The following FOXO1 variants were observed in gnomAD, a reference collection of about 807,000 sequenced individuals.
The protein encoded by FOXO1 is forkhead box O1.
Under a neutral mutation model 44.1 loss-of-function variants are expected in FOXO1, and 6 were observed. That is an observed-to-expected ratio of 0.14 (90% CI 0.07 to 0.27). The LOEUF (loss-of-function observed/expected upper bound fraction) is 0.27. FOXO1 is among the 10% of genes least tolerant of loss of function. The probability of loss-of-function intolerance (pLI) is 1.00; values close to 1 mark genes in which losing one functional copy is unlikely to be tolerated. For missense variants in FOXO1, 737 were observed against 888.8 expected (o/e 0.83, Z 2.17); for synonymous variants, 380 against 362.7 (o/e 1.05, Z -0.54).
At position 40,555,947 on chromosome 13, in the gene FOXO1, A is replaced by G. The variant is rs1418245516; in HGVS notation, c.*3102T>C. 3.3e-5 allele frequency: 5 copies of G among 152,726 alleles called. No individual in the cohort carries two copies. In the East Asian group the frequency reaches 5.8e-4, roughly 18 times the overall value. The allele number at this position is 152,726 out of a possible 1,614,324, so 9.5% of individuals were successfully genotyped here. On this transcript the variant is annotated 3_prime_UTR_variant, in exon 3 of 3. Transcript: ENST00000379561. ...ATGACTACGTCCTGATGGGACTTAC[A>G]TGGCCACCCCTGGCCACACTGCCAG...
At chr13:40,570,358 A>T (rs1874440085) in intron 1 of FOXO1, among the ~76,000 whole-genome samples, 3 of 151,926 alleles carry the variant, frequency 2.0e-5, no homozygotes. Context: ...AGAGGTGAGG[A>T]GGTCAAGGAG....
intron 1 of FOXO1, among the ~76,000 whole-genome samples, chr13:40,647,148 T>C (rs552440479): frequency 3.3e-5 from 5 of 152,304 alleles, no homozygotes; most frequent in Admixed American, 3.3e-4. Flanking sequence ...ACAACTTTTA[T>C]TACCTGAGAG....
chr13:40,613,133 T>C lies in FOXO1; in HGVS notation c.631-52273A>G, dbSNP rs528127470. ...TGGGTAAAAAAGAACACCTCATGCC[T>C]GTAAACCCCATCTCTCCATCAGGAT... On this transcript the variant is annotated intron_variant, in intron 1 of 2. Coordinates refer to ENST00000379561, the MANE Select transcript of FOXO1 (RefSeq NM_002015.4). 6.6e-5 allele frequency among the ~76,000 whole-genome samples: 10 copies of C among 152,296 alleles called. No homozygotes were observed. The South Asian group carries it at 1.4e-3, about 22-fold the overall frequency.
At chr13:40,594,409 C>G (rs1875499820) in intron 1 of FOXO1, among the ~76,000 whole-genome samples, 1 of 152,132 alleles carries the variant, frequency 6.6e-6, no homozygotes, top group Non-Finnish European at 1.5e-5. Flanking sequence ...GTTAAGGAAA[C>G]TGAGGCCCAG....
intron 1 of FOXO1, among the ~76,000 whole-genome samples, chr13:40,588,023 C>T (rs1467334703): frequency 6.6e-6 from 1 of 152,190 alleles, no homozygotes; most frequent in East Asian, 1.9e-4. Flanking sequence ...CAGAGCACTA[C>T]TGCATTATGC....
intron 1 of FOXO1, among the ~76,000 whole-genome samples, chr13:40,639,022 C>T (rs1347292157): frequency 1.3e-5 from 2 of 152,032 alleles, no homozygotes; most frequent in African/African-American, 4.8e-5. Flanking sequence ...GGTAAAACCC[C>T]GTCTCTACTA....
intron 1 of FOXO1, among the ~76,000 whole-genome samples, chr13:40,659,471 T>C (rs1481863238): frequency 2.6e-5 from 4 of 151,908 alleles, no homozygotes; most frequent in African/African-American, 7.3e-5. Flanking sequence ...TTGATTTTTT[T>C]TTTTTCCTGT....
chr13:40,568,862 T>C (rs575516260), intron 1 of FOXO1, among the ~76,000 whole-genome samples: 2 of 152,220 alleles, frequency 1.3e-5, no homozygotes, highest in Non-Finnish European at 2.9e-5. Flanking sequence ...TCATCTGGTC[T>C]AACGCTCTTG....
chr13:40,632,962 A>G (rs558454396), intron 1 of FOXO1, among the ~76,000 whole-genome samples: 2 of 152,224 alleles, frequency 1.3e-5, no homozygotes, highest in African/African-American at 2.4e-5. Context: ...ATCTGAGTAG[A>G]TATCTCTCCA....
chr13:40,566,451 T>C (rs1327883509), intron 1 of FOXO1, among the ~76,000 whole-genome samples: 8 of 151,952 alleles, frequency 5.3e-5, no homozygotes, highest in Non-Finnish European at 1.2e-4. Context: ...TGATCTTGGC[T>C]CACTGCAACC....
intron 1 of FOXO1, among the ~76,000 whole-genome samples, chr13:40,577,311 C>T (rs1395779284): frequency 6.6e-6 from 1 of 152,146 alleles, no homozygotes; most frequent in Non-Finnish European, 1.5e-5. Context: ...TGATGTTAAC[C>T]TTACCCTCAA....
At chr13:40,629,643 C>T (rs1410614328) in intron 1 of FOXO1, among the ~76,000 whole-genome samples, 2 of 152,210 alleles carry the variant, frequency 1.3e-5, no homozygotes, top group African/African-American at 4.8e-5. Flanking sequence ...TGAGCATTTC[C>T]TTTGAGCATC....
At chr13:40,588,215 C>G (rs1875243962) in intron 1 of FOXO1, among the ~76,000 whole-genome samples, 1 of 152,110 alleles carries the variant, frequency 6.6e-6, no homozygotes, top group South Asian at 2.1e-4. Flanking sequence ...CTTTCCTCTC[C>G]AACAATCAAG....
At chr13:40,583,927 A>C (rs992733473) in intron 1 of FOXO1, among the ~76,000 whole-genome samples, 3 of 152,180 alleles carry the variant, frequency 2.0e-5, no homozygotes, top group Non-Finnish European at 4.4e-5. Flanking sequence ...TTCCTCACTA[A>C]GCTGAATCAT....
chr13:40,590,646 C>T (rs1267505795), intron 1 of FOXO1, among the ~76,000 whole-genome samples: 1 of 152,226 alleles, frequency 6.6e-6, no homozygotes, highest in Non-Finnish European at 1.5e-5. Flanking sequence ...AAGGCTCACA[C>T]CTGTTTCACT....
At chr13:40,621,826 T>C (rs1319180921) in intron 1 of FOXO1, among the ~76,000 whole-genome samples, 2 of 152,202 alleles carry the variant, frequency 1.3e-5, no homozygotes, top group Non-Finnish European at 2.9e-5. Flanking sequence ...TACATGTTAT[T>C]TGAAATGTTA....
rs147855260 is a variant in FOXO1, at chr13:40,660,354, C to G, written c.630+5229G>C. Among the ~76,000 whole-genome samples, 214 of 152,116 alleles carry G rather than the reference C, an allele frequency of 1.4e-3. 2 individuals are homozygous for G. Among genetic ancestry groups the G allele is most frequent in the African/African-American group, 4.6e-3 (192 of 41,504 alleles). On this transcript the variant is annotated intron_variant, in intron 1 of 2. Coordinates refer to ENST00000379561, the MANE Select transcript of FOXO1 (RefSeq NM_002015.4). ...CCCCAAAGCTACAGCACATATAGGC[C>G]AAAAAAATGGCTGGGTAAATTCCCA...
At chr13:40,628,816 G>A (rs1876870966) in intron 1 of FOXO1, among the ~76,000 whole-genome samples, 1 of 152,130 alleles carries the variant, frequency 6.6e-6, no homozygotes, top group Non-Finnish European at 1.5e-5. Flanking sequence ...TCCTCTCCAG[G>A]TTGTCCCCCA....
chr13:40,577,200 C>A (rs1275975799), intron 1 of FOXO1, among the ~76,000 whole-genome samples: 1 of 143,956 alleles, frequency 6.9e-6, no homozygotes, highest in Non-Finnish European at 1.5e-5. Context: ...GATTACCCCC[C>A]GCCCACATGC....
Sources: gnomAD v4.1 joint callset for allele counts (sites outside exome capture counted in the v4.1 genomes callset) on GRCh38, gnomAD v4.1.1 for gene constraint, MANE v1.5 for transcripts, NCBI Gene and HGNC (gene_info 2026-07-23, HGNC 2026-07-21) for gene names.